VPS13B: variants seen among roughly 807,000 people sequenced by gnomAD.
VPS13B encodes vacuolar protein sorting 13 homolog B, also known as intermembrane lipid transfer protein VPS13B.
Under a neutral mutation model 426.4 loss-of-function variants are expected in VPS13B, and 285 were observed. The observed-to-expected ratio is 0.67, with a 90% CI of 0.61 to 0.74. The LOEUF (loss-of-function observed/expected upper bound fraction) is 0.74. Among genes scored for constraint, VPS13B ranks in the 30% least tolerant of loss-of-function variants. The probability of loss-of-function intolerance (pLI) is 0.00; values close to 1 mark genes in which losing one functional copy is unlikely to be tolerated. For synonymous variants in VPS13B, 1,676 were observed against 1,676.4 expected, an observed-to-expected ratio of 1.00 and a Z score of 0.01; for missense variants, 4,537 against 4,782.6, an observed-to-expected ratio of 0.95 and a Z score of 1.51.
chr8:99,103,259 A>G (rs942826678), intron 5 of VPS13B, 139 bp downstream of exon 5: 2 of 929,346 alleles, frequency 2.2e-6, no homozygotes, highest in Non-Finnish European at 3.4e-6. Context: ...AAAAATGCAC[A>G]TATACAAAAT....
At position 99,687,895 on chromosome 8, in the gene VPS13B, G is replaced by A. The variant is rs1831486073; in HGVS notation, c.6047-11630G>A. On this transcript the variant is annotated intron_variant, in intron 35 of 61. Coordinates refer to ENST00000357162, the MANE Select transcript of VPS13B (RefSeq NM_152564.5). Reference sequence around the variant, plus strand: ...TGCTGTGAGCAGGGTGATTGGTGGAGGCTTCTATCCAGCTGTCTTGCTCTG... The same window carrying A: ...TGCTGTGAGCAGGGTGATTGGTGGAAGCTTCTATCCAGCTGTCTTGCTCTG... Among the ~76,000 whole-genome samples, 4 of 151,974 alleles carry A rather than the reference G, an allele frequency of 2.6e-5. No homozygotes were observed. In the South Asian group the frequency reaches 6.2e-4, roughly 24 times the overall value.
intron 8 of VPS13B, among the ~76,000 whole-genome samples, chr8:99,131,048 A>C (rs1261562274): frequency 6.6e-6 from 1 of 152,174 alleles, no homozygotes; most frequent in Non-Finnish European, 1.5e-5. Flanking sequence ...AAAGTGATGA[A>C]TATATCTATG....
chr8:99,168,696 G>A (rs1006309629), intron 15 of VPS13B, among the ~76,000 whole-genome samples: 1 of 151,890 alleles, frequency 6.6e-6, no homozygotes, highest in Admixed American at 6.6e-5. Flanking sequence ...TTAATTTTAA[G>A]TTATGATTTT....
chr8:99,439,581 G>C (rs1817579803), intron 22 of VPS13B, among the ~76,000 whole-genome samples: 2 of 151,876 alleles, frequency 1.3e-5, no homozygotes, highest in Admixed American at 1.3e-4. Context: ...GAGAACATTT[G>C]GTACTGTAGA....
Position 99,191,192 on chromosome 8 carries a change from G to A in VPS13B, c.2334-1684G>A, listed in dbSNP as rs1275240742. On this transcript the variant is annotated intron_variant, in intron 16 of 61. Coordinates refer to ENST00000357162, the MANE Select transcript of VPS13B (RefSeq NM_152564.5). ...AGCTTTGTTTCTTTACATGTGATGT[G>A]TTTTTCTCCTTAACACTAGTTTTCA... is the stretch of plus-strand genomic sequence containing the variant. 2.6e-5 allele frequency among the ~76,000 whole-genome samples: 4 copies of A among 151,728 alleles called. No homozygotes were observed. The East Asian group carries it at 5.8e-4, about 22-fold the overall frequency.
At chr8:99,648,276 A>G (rs181344898) in intron 34 of VPS13B, among the ~76,000 whole-genome samples, 1 of 152,326 alleles carries the variant, frequency 6.6e-6, no homozygotes, top group East Asian at 1.9e-4. Context: ...TTGAAGGTTT[A>G]GCAGAATAAA....
At chr8:99,469,563 T>C (rs1819291417) in intron 24 of VPS13B, among the ~76,000 whole-genome samples, 3 of 152,124 alleles carry the variant, frequency 2.0e-5, no homozygotes, top group Admixed American at 6.6e-5. Context: ...ATTATACCCA[T>C]AGTGATATAG....
intron 31 of VPS13B, among the ~76,000 whole-genome samples, chr8:99,569,950 A>G (rs983231940): frequency 2.0e-5 from 3 of 152,220 alleles, no homozygotes; most frequent in East Asian, 1.9e-4. Flanking sequence ...CTATATTACT[A>G]CATGATAGGT....
chr8:99,722,985 T>C (rs941943938), intron 39 of VPS13B, among the ~76,000 whole-genome samples: 5 of 152,228 alleles, frequency 3.3e-5, no homozygotes, highest in Admixed American at 3.3e-4. Context: ...GGTGGTATGA[T>C]GTAAATTATA....
intron 20 of VPS13B, among the ~76,000 whole-genome samples, chr8:99,385,600 T>C (rs889392567): frequency 1.3e-5 from 2 of 152,188 alleles, no homozygotes; most frequent in Non-Finnish European, 2.9e-5. Context: ...ATAAAAGTCA[T>C]AGGTGAGAAT....
At chr8:99,556,724 T>G in intron 31 of VPS13B, 71 bp downstream of exon 31, 1 of 1,523,954 alleles carries the variant, frequency 6.6e-7, no homozygotes, top group Non-Finnish European at 9.0e-7. Context: ...GATACAATCT[T>G]TAGCATGTCC....
intron 15 of VPS13B, among the ~76,000 whole-genome samples, chr8:99,164,588 G>A (rs1811881495): frequency 6.6e-6 from 1 of 152,176 alleles, no homozygotes; most frequent in African/African-American, 2.4e-5. Flanking sequence ...AATATGGGTT[G>A]AAGACCCACA....
chr8:99,819,195 G>A (rs180749181), intron 47 of VPS13B, among the ~76,000 whole-genome samples: 1 of 151,934 alleles, frequency 6.6e-6, no homozygotes, highest in East Asian at 1.9e-4. Context: ...TGTGGTGAAA[G>A]AAGATGTGAA....
chr8:99,638,558 G>C (rs1246673765), intron 33 of VPS13B, among the ~76,000 whole-genome samples: 2 of 152,132 alleles, frequency 1.3e-5, no homozygotes, highest in Non-Finnish European at 2.9e-5. Context: ...CACAAAGAAG[G>C]TGAATTTTTT....
At chr8:99,097,715 A>C (rs1336108510) in intron 4 of VPS13B, among the ~76,000 whole-genome samples, 9 of 152,214 alleles carry the variant, frequency 5.9e-5, no homozygotes, top group Admixed American at 5.2e-4. Context: ...GGCAAAAATA[A>C]GAAAACTAAA....
At chr8:99,093,318 G>A (rs1045492363) in intron 3 of VPS13B, among the ~76,000 whole-genome samples, 4 of 151,636 alleles carry the variant, frequency 2.6e-5, no homozygotes, top group Non-Finnish European at 4.4e-5. Context: ...TGCATACTCT[G>A]GGAGTCTATG....
At chr8:99,384,127 A>G (rs985440308) in intron 19 of VPS13B, 81 bp from the exon 20 acceptor site, 8 of 1,136,198 alleles carry the variant, frequency 7.0e-6, no homozygotes, top group Admixed American at 6.8e-5. Flanking sequence ...TGTCATAGCT[A>G]TCCTACATGG....
In VPS13B at chr8:99,063,267, G is replaced by A. The variant is rs996762091; in HGVS notation, c.291+24701G>A. Among the ~76,000 whole-genome samples the A allele has an allele frequency of 3.9e-5, 6 of 152,344 alleles. No individual in the cohort carries two copies. The South Asian group carries it at 6.2e-4, about 16-fold the overall frequency. ...AGGGCAAGCCGAAGCAGGGCGGGGC[G>A]TCGCCTCACCCGGGAAGTGCAAGGG... On this transcript the variant is annotated intron_variant, in intron 3 of 61. Transcript: ENST00000357162.
intron 17 of VPS13B, chr8:99,234,542 G>C (rs1816534918): frequency 2.2e-6 from 1 of 459,744 alleles, no homozygotes; most frequent in Non-Finnish European, 4.3e-6. Flanking sequence ...GGGCCGCAGG[G>C]CTGGGGTTCG....
Sources: allele counts gnomAD v4.1 joint callset (sites outside exome capture counted in the v4.1 genomes callset), GRCh38; gene constraint gnomAD v4.1.1; transcripts MANE v1.5; gene names NCBI Gene and HGNC (gene_info 2026-07-23, HGNC 2026-07-21).